SIAH3: variants seen among roughly 807,000 people sequenced by gnomAD.
SIAH3 encodes seven in absentia homolog 3.
A neutral mutation model predicts 12.6 loss-of-function variants in SIAH3; 9 were observed. The observed-to-expected ratio is 0.72, with a 90% confidence interval of 0.43 to 1.25. The LOEUF (loss-of-function observed/expected upper bound fraction) is 1.25. SIAH3 is among the 50% of genes most tolerant of loss of function. The probability of loss-of-function intolerance (pLI) is 0.00; values close to 1 mark genes in which losing one functional copy is unlikely to be tolerated. For missense variants in SIAH3, 390 were observed against 365.4 expected, an observed-to-expected ratio of 1.07 and a Z score of -0.55; for synonymous variants, 154 against 151.1, an observed-to-expected ratio of 1.02 and a Z score of -0.14.
At chr13:45,842,663 T>C (rs7332301) in intron 1 of SIAH3, among the ~76,000 whole-genome samples, 59,696 of 152,098 alleles carry the variant, frequency 0.39, 12,223 homozygotes, top group African/African-American at 0.47. Context: ...ATCGTATTAT[T>C]TAATCTTTAC....
intron 1 of SIAH3, among the ~76,000 whole-genome samples, chr13:45,833,167 A>G (rs559700018): frequency 6.6e-6 from 1 of 152,322 alleles, no homozygotes; most frequent in Admixed American, 6.5e-5. Flanking sequence ...TTATAGCACC[A>G]CTTTCCATAG....
intron 1 of SIAH3, among the ~76,000 whole-genome samples, chr13:45,818,523 C>T (rs1950643286): frequency 6.6e-6 from 1 of 152,228 alleles, no homozygotes; most frequent in Non-Finnish European, 1.5e-5. Flanking sequence ...ATCAAGGCAT[C>T]AGCAGAACTG....
At chr13:45,843,637 T>C (rs1282825175) in intron 1 of SIAH3, among the ~76,000 whole-genome samples, 1 of 152,214 alleles carries the variant, frequency 6.6e-6, no homozygotes, top group Non-Finnish European at 1.5e-5. Context: ...TCTTTGAAGC[T>C]AAACATTAAG....
At chr13:45,808,969 T>C (rs1241810751) in intron 1 of SIAH3, among the ~76,000 whole-genome samples, 1 of 152,250 alleles carries the variant, frequency 6.6e-6, no homozygotes, top group Admixed American at 6.5e-5. Flanking sequence ...AAGGAGGCTC[T>C]GAGGCCTCCA....
chr13:45,848,629 G>A (rs1379683274), intron 1 of SIAH3, among the ~76,000 whole-genome samples: 1 of 152,154 alleles, frequency 6.6e-6, no homozygotes, highest in Non-Finnish European at 1.5e-5. Flanking sequence ...CTCAGCACTT[G>A]CCTCAGTTTC....
At chr13:45,850,903 C>T (rs1950778283) in intron 1 of SIAH3, among the ~76,000 whole-genome samples, 1 of 145,356 alleles carries the variant, frequency 6.9e-6, no homozygotes, top group South Asian at 2.2e-4. Context: ...GGAAATAAGC[C>T]AAAATCCTCC....
intron 1 of SIAH3, among the ~76,000 whole-genome samples, chr13:45,792,961 C>T (rs1426590668): frequency 4.0e-5 from 6 of 151,294 alleles, no homozygotes; most frequent in South Asian, 2.1e-4. Context: ...CTTTCATATC[C>T]GTAATTGGCA....
intron 1 of SIAH3, among the ~76,000 whole-genome samples, chr13:45,826,369 A>ATGGT (rs369495671): frequency 1.2e-5 from 1 of 80,802 alleles, no homozygotes; most frequent in Non-Finnish European, 2.7e-5. Flanking sequence ...GGATGGATGG[A>ATGGT]TGGATGAATG....
intron 1 of SIAH3, among the ~76,000 whole-genome samples, chr13:45,807,789 G>A (rs719401): frequency 0.32 from 49,312 of 151,978 alleles, 8,906 homozygotes; most frequent in Non-Finnish European, 0.41. Flanking sequence ...CATTGACATT[G>A]CATATGCCCA....
Position 45,801,851 on chromosome 13 carries a change from A to G in SIAH3, c.136-17794T>C, listed in dbSNP as rs1950583442. On this transcript the variant is annotated intron_variant, in intron 1 of 1. Coordinates refer to ENST00000400405, the MANE Select transcript of SIAH3 (RefSeq NM_198849.3). Reference sequence around the variant, plus strand: ...CATGCTCCAGGCATTAGTCTAGGCAAGCAGATGAAGATATCAAGGGGCAGC... The same window carrying G: ...CATGCTCCAGGCATTAGTCTAGGCAGGCAGATGAAGATATCAAGGGGCAGC... 2.0e-5 allele frequency among the ~76,000 whole-genome samples: 3 copies of G among 152,210 alleles called. No individual in the cohort carries two copies. The South Asian group carries it at 6.2e-4, about 32-fold the overall frequency.
intron 1 of SIAH3, among the ~76,000 whole-genome samples, chr13:45,787,697 C>T (rs755116250): frequency 2.0e-4 from 30 of 152,156 alleles, no homozygotes; most frequent in Non-Finnish European, 2.9e-4. Flanking sequence ...GAGGAGATGT[C>T]GGGTCATATT....
intron 1 of SIAH3, among the ~76,000 whole-genome samples, chr13:45,833,051 G>T (rs958923482): frequency 2.0e-5 from 3 of 152,132 alleles, no homozygotes; most frequent in Non-Finnish European, 2.9e-5. Flanking sequence ...AGACAGAGGT[G>T]GGGGGAAACT....
intron 1 of SIAH3, among the ~76,000 whole-genome samples, chr13:45,839,144 G>A (rs920993032): frequency 6.6e-6 from 1 of 152,064 alleles, no homozygotes; most frequent in Non-Finnish European, 1.5e-5. Context: ...GGATCTCTTA[G>A]AGAACAGGTG....
intron 1 of SIAH3, among the ~76,000 whole-genome samples, chr13:45,836,638 G>A (rs1036401): frequency 0.25 from 38,751 of 152,104 alleles, 6,155 homozygotes; most frequent in Admixed American, 0.4. Context: ...TGGGGAGAGG[G>A]AGAGCATCAG....
Position 45,784,010 on chromosome 13 carries a change from G to A in SIAH3, c.183C>T (p.Gly61=). 11 of 1,605,552 alleles carry A rather than the reference G, an allele frequency of 6.9e-6. No homozygotes were observed. The highest frequency in any genetic ancestry group is 9.4e-6 in the Non-Finnish European group (11 of 1,175,962). ...GGGAGAGATGGTGAGGGTGGAAGCT[G>A]CCTTGCTCTGGAGCGCTCTGAGTGA... ...RAVTQSAPEQ[G]SFHPHHLSHH... Residue 61 remains glycine (G), a synonymous_variant, in exon 2 of 2, where the codon GGC becomes GGT. Coordinates refer to ENST00000400405, the MANE Select transcript of SIAH3 (RefSeq NM_198849.3).
At position 45,783,882 on chromosome 13, in the gene SIAH3, G is replaced by A; in HGVS notation, c.311C>T (p.Pro104Leu). ...GAACAAGGGACACATGCACAGGCAG[G>A]GCGTCACCGGGTTGGCGTGCAGCCC... Reference protein sequence around the residue: ...EAGLHANPVTPCLCMCPLFSC... With the variant: ...EAGLHANPVTLCLCMCPLFSC... The change falls in exon 2 of 2, where the codon CCC becomes CTC. Residue 104 changes from proline (P) to leucine (L), a missense_variant. Transcript: ENST00000400405. 6.2e-7 allele frequency: 1 copy of A among 1,613,002 alleles called. No individual in the cohort carries two copies. The highest frequency in any genetic ancestry group is 1.7e-4 in the Middle Eastern group (1 of 6,056).
At chr13:45,837,708 C>G (rs1460188889) in intron 1 of SIAH3, among the ~76,000 whole-genome samples, 1 of 152,100 alleles carries the variant, frequency 6.6e-6, no homozygotes, top group Admixed American at 6.5e-5. Flanking sequence ...GGTGCTTTTG[C>G]TTATATTTAC....
At chr13:45,818,079 C>T (rs951810785) in intron 1 of SIAH3, among the ~76,000 whole-genome samples, 1 of 152,168 alleles carries the variant, frequency 6.6e-6, no homozygotes, top group Non-Finnish European at 1.5e-5. Flanking sequence ...GAGGAAAATA[C>T]CCAGATGCCT....
At chr13:45,795,332 A>AGTC (rs935464395) in intron 1 of SIAH3, among the ~76,000 whole-genome samples, 6 of 152,224 alleles carry the variant, frequency 3.9e-5, no homozygotes. Context: ...ACAGCATCTC[A>AGTC]GTCACCCACA....
Sources: gnomAD v4.1 joint callset for allele counts (sites outside exome capture counted in the v4.1 genomes callset) on GRCh38, gnomAD v4.1.1 for gene constraint, MANE v1.5 for transcripts, NCBI Gene and HGNC (gene_info 2026-07-23, HGNC 2026-07-21) for gene names.